Variants in DVL2 observed in about 807,000 individuals in gnomAD.
DVL2 encodes the protein segment polarity protein dishevelled homolog DVL-2.
A neutral mutation model predicts 69.8 loss-of-function variants in DVL2; 38 were observed. The ratio of observed to expected loss-of-function variants is 0.54; its 90% confidence interval spans 0.42 to 0.71. DVL2 has a LOEUF of 0.71. Among genes scored for constraint, DVL2 ranks in the 30% least tolerant of loss-of-function variants. The pLI, the probability that DVL2 is intolerant of heterozygous loss-of-function variation, is 0.00. For synonymous variants in DVL2, 428 were observed against 392.4 expected (o/e 1.09, Z -1.07); for missense variants, 931 against 1,008.1 (o/e 0.92, Z 1.04).
rs202089648 is a variant in DVL2 at position 7,229,887 on chromosome 17, C to G, written c.577G>C (p.Glu193Gln). ...SRLERHLAGY[E>Q]SSSTLMTSEL... ...CTGGTCATGAGGGTAGAGGAGCTCT[C>G]GTATCCGGCCAGGTGGCGCTCCAGC... The change falls in exon 5 of 15, where the codon GAG (glutamate) becomes CAG (glutamine). Residue 193 changes from glutamate (E) to glutamine (Q), a missense_variant. Physicochemically the swap from Glu to Gln is conservative, Grantham distance 29. Coordinates refer to ENST00000005340, the MANE Select transcript of DVL2 (RefSeq NM_004422.3). This position sits in a 1 kb window ranked among gnomAD's most constrained non-coding sequence, Gnocchi z 4.4. 8 of 1,610,846 alleles carry G rather than the reference C, an allele frequency of 5.0e-6. No individual in the cohort carries two copies. The African/African-American group carries it at 9.3e-5, about 19-fold the overall frequency.
At chr17:7,227,621 T>C in intron 11 of DVL2, 34 bp downstream of exon 11, 2 of 1,614,094 alleles carry the variant, frequency 1.2e-6, no homozygotes, top group Non-Finnish European at 1.7e-6. Flanking sequence ...AGCCTTCTGC[T>C]GGGAGGGTGG....
intron 9 of DVL2, chr17:7,228,439 A>G (rs2071491433): frequency 5.5e-6 from 1 of 182,684 alleles, no homozygotes; most frequent in African/African-American, 2.4e-5. Context: ...ATTTGGGAGC[A>G]GGAAGGGACA....
chr17:7,228,393 A>T (rs1401041154), intron 9 of DVL2: 1 of 192,004 alleles, frequency 5.2e-6, no homozygotes, highest in Non-Finnish European at 1.1e-5. Context: ...ATGGCCAAAG[A>T]AGTCAGGAGA....
intron 9 of DVL2, 194 bp from the exon 10 acceptor site, chr17:7,228,238 T>A: frequency 1.9e-6 from 1 of 532,738 alleles, no homozygotes; most frequent in South Asian, 2.7e-5. Flanking sequence ...CTTAAAAACA[T>A]ACTGCCAAGT....
At position 7,234,311 on chromosome 17, in the gene DVL2, T is replaced by C; in HGVS notation, c.-49A>G. On this transcript the variant is annotated 5_prime_UTR_variant, in exon 1 of 15. Transcript: ENST00000005340. ...CTCCACCGCCCACCCAAAGGGCTAA[T>C]GGCCCCTGCCGCGCCTGCGCACACC... The C allele has an allele frequency of 2.6e-6, 4 of 1,562,412 alleles. No individual in the cohort carries two copies. Among genetic ancestry groups the C allele is most frequent in the Non-Finnish European group, 3.5e-6 (4 of 1,153,216 alleles).
At position 7,228,000 on chromosome 17, in the gene DVL2, T is replaced by C. The variant is rs1261409013; in HGVS notation, c.1079A>G (p.Gln360Arg). The change falls in exon 10 of 15, where the codon CAG becomes CGG. Residue 360 changes from glutamine (Q) to arginine (R), a missense_variant. This residue lies in a region of DVL2 where 555 missense variants were observed against 588.8 expected (regional missense o/e 0.94). Coordinates refer to ENST00000005340, the MANE Select transcript of DVL2 (RefSeq NM_004422.3). ...ACTTCGGGGGAGAGTGAAATAGGCC[T>C]GAGGAGAGGGATCCCAGCACTTGGC... Reference protein sequence around the residue: ...TVAKCWDPSPQAYFTLPRNEP... With the variant: ...TVAKCWDPSPRAYFTLPRNEP... 1 of 1,561,190 alleles carries C rather than the reference T, an allele frequency of 6.4e-7. No individual in the cohort carries two copies. The highest frequency in any genetic ancestry group is 8.7e-7 in the Non-Finnish European group (1 of 1,154,870).
chr17:7,234,201 T>C lies in DVL2; in HGVS notation c.62A>G (p.Asp21Gly). The C allele has an allele frequency of 6.2e-7, 1 of 1,614,098 alleles. No homozygotes were observed. Among genetic ancestry groups the C allele is most frequent in the South Asian group, 1.1e-5 (1 of 91,088 alleles). ...CACCAGGTAGGGAGTCTCTTCCTCATCCAGGTGGTAAATCACCTTCGTCTC... is the reference window on the plus strand; with the variant it reads ...CACCAGGTAGGGAGTCTCTTCCTCACCCAGGTGGTAAATCACCTTCGTCTC... ...VGETKVIYHL[D>G]EEETPYLVKI... The change falls in exon 1 of 15, where the codon GAT (aspartate) becomes GGT (glycine). Residue 21 changes from aspartate to glycine, a missense_variant. Asp to Gly is a moderately conservative substitution (Grantham distance 94). Around this residue, in one of 3 missense-constraint regions of DVL2, gnomAD observed 555 missense variants for 588.8 expected, o/e 0.94. Coordinates refer to ENST00000005340, the MANE Select transcript of DVL2 (RefSeq NM_004422.3).
chr17:7,228,409 T>A (rs2071490999), intron 9 of DVL2: 1 of 187,460 alleles, frequency 5.3e-6, no homozygotes, highest in Admixed American at 5.4e-5. Flanking sequence ...GGAGAGTGAC[T>A]ACCCCTGGGG....
intron 1 of DVL2, among the ~76,000 whole-genome samples, chr17:7,232,238 CCT>C (rs998444133): frequency 6.6e-6 from 1 of 152,156 alleles, no homozygotes; most frequent in Admixed American, 6.5e-5. Flanking sequence ...CCTAGTTGTT[CCT>C]CTCTCTCTTT....
chr17:7,229,891 T>C lies in DVL2; in HGVS notation c.573A>G (p.Gly191=). ...TCATGAGGGTAGAGGAGCTCTCGTA[T>C]CCGGCCAGGTGGCGCTCCAGCCTTG... ...GPSRLERHLA[G]YESSSTLMTS... The change falls in exon 5 of 15, where the codon GGA becomes GGG. Residue 191 remains glycine (G), a synonymous_variant. Coordinates refer to ENST00000005340, the MANE Select transcript of DVL2 (RefSeq NM_004422.3). The surrounding 1 kb of genome is among the most constrained non-coding windows in gnomAD (Gnocchi z 4.4). The C allele has an allele frequency of 1.2e-6, 2 of 1,610,666 alleles. No homozygotes were observed. The highest frequency in any genetic ancestry group is 1.7e-6 in the Non-Finnish European group (2 of 1,179,930).
intron 1 of DVL2, among the ~76,000 whole-genome samples, chr17:7,232,959 G>A (rs2071564885): frequency 6.6e-6 from 1 of 151,670 alleles, no homozygotes. Context: ...GTGTGGTGGC[G>A]GACGCCTGTA....
rs1013623606 is a variant in DVL2, at chr17:7,234,431, C to T, written c.-169G>A. 2 of 790,902 alleles carry T rather than the reference C, an allele frequency of 2.5e-6. No individual in the cohort carries two copies. Among genetic ancestry groups the T allele is most frequent in the Non-Finnish European group, 3.8e-6 (2 of 533,044 alleles). 49.0% of individuals were successfully genotyped at this position (790,902 alleles called of 1,614,324 possible). On this transcript the variant is annotated 5_prime_UTR_variant, in exon 1 of 15. Transcript: ENST00000005340. ...GATCTGCGAGGGTGGCGGCGGGGGG[C>T]GGGCCGCGGGGTGCGACTCAAAGCC...
rs535004618 is a variant in DVL2 at position 7,225,727 on chromosome 17, G to A, written c.*138C>T. 1.3e-6 allele frequency: 1 copy of A among 746,504 alleles called. No homozygotes were observed. Among genetic ancestry groups the A allele is most frequent in the Admixed American group, 2.1e-5 (1 of 48,570 alleles). The allele number at this position is 746,504 out of a possible 1,614,324, so 46.2% of individuals were successfully genotyped here. A position where few individuals can be genotyped will look rare whatever the true frequency, so the allele number is the denominator to read the frequency against. On this transcript the variant is annotated 3_prime_UTR_variant, in exon 15 of 15. Coordinates refer to ENST00000005340, the MANE Select transcript of DVL2 (RefSeq NM_004422.3). ...GGGGGAGGAACCAGGCACTGCTGGT[G>A]AGAGTCACAGTGGCCACAATCTCCT...
intron 1 of DVL2, among the ~76,000 whole-genome samples, chr17:7,231,127 C>T (rs1279978387): frequency 6.6e-6 from 1 of 152,190 alleles, no homozygotes; most frequent in Non-Finnish European, 1.5e-5. Flanking sequence ...TCTAATGAGA[C>T]TGGCTGGTGG....
chr17:7,226,929 G>A (rs767218557), intron 13 of DVL2, 161 bp downstream of exon 13: 16 of 739,776 alleles, frequency 2.2e-5, no homozygotes, highest in East Asian at 8.1e-5. Flanking sequence ...ATGGGTGGAC[G>A]TCAGCCCCCA....
chr17:7,225,368 T>A lies in DVL2; in HGVS notation c.*497A>T. 1 of 550,292 alleles carries A rather than the reference T, an allele frequency of 1.8e-6. No individual in the cohort carries two copies. Among genetic ancestry groups the A allele is most frequent in the South Asian group, 2.1e-5 (1 of 48,654 alleles). The allele number at this position is 550,292 out of a possible 1,614,324, so 34.1% of individuals were successfully genotyped here. A position where few individuals can be genotyped will look rare whatever the true frequency, so the allele number is the denominator to read the frequency against. ...AGTTTGCCTCTATTGCTTTATTTGG[T>A]GTTTTATACAAGTGACTAAAATAAA... On this transcript the variant is annotated 3_prime_UTR_variant, in exon 15 of 15. Transcript: ENST00000005340.
chr17:7,230,928 TACA>T (rs1383018089), intron 1 of DVL2, 131 bp from the exon 2 acceptor site: 1 of 609,200 alleles, frequency 1.6e-6, no homozygotes, highest in African/African-American at 1.9e-5. Flanking sequence ...GGTCTTCTCT[TACA>T]TTGAAAGAAC....
intron 13 of DVL2, 29 bp from the exon 14 acceptor site, chr17:7,226,668 T>G: frequency 6.8e-7 from 1 of 1,467,902 alleles, no homozygotes; most frequent in South Asian, 1.4e-5. Context: ...GAGGAAGAAA[T>G]CACTGCTTCA....
rs183362071 is a variant in DVL2 at position 7,233,252 on chromosome 17, G to A, written c.194+817C>T. Among the ~76,000 whole-genome samples, 306 of 152,078 alleles carry A rather than the reference G, an allele frequency of 2.0e-3. 2 individuals are homozygous for A. The highest frequency in any genetic ancestry group is 1.1e-3 in the Non-Finnish European group (78 of 67,986). ...GGATAGCCCAATCTATTCTAGCACA[G>A]CCTACAATGCCCCCACACGCAGCTG... On this transcript the variant is annotated intron_variant, in intron 1 of 14. Coordinates refer to ENST00000005340, the MANE Select transcript of DVL2 (RefSeq NM_004422.3).
Sources: allele counts gnomAD v4.1 joint callset (sites outside exome capture counted in the v4.1 genomes callset), GRCh38; gene constraint gnomAD v4.1.1; regional missense constraint gnomAD v4.1.1; non-coding constraint Gnocchi (gnomAD v3.1); transcripts MANE v1.5; gene names NCBI Gene and HGNC (gene_info 2026-07-23, HGNC 2026-07-21).